Variants in IKZF2 observed in about 807,000 individuals in gnomAD.
The protein encoded by IKZF2 is IKAROS family zinc finger 2, also known as zinc finger protein Helios.
Under a neutral mutation model 49.2 loss-of-function variants are expected in IKZF2, and 15 were observed. The ratio of observed to expected loss-of-function variants is 0.30; its 90% CI spans 0.20 to 0.47. The LOEUF is 0.47. Among genes scored for constraint, IKZF2 ranks in the 20% least tolerant of loss-of-function variants. The pLI is 1.00. For synonymous variants in IKZF2, 227 were observed against 221.4 expected (o/e 1.03, Z -0.23); for missense variants, 567 against 664.6 (o/e 0.85, Z 1.61).
chr2:213,030,147 G>A (rs1425376710), intron 6 of IKZF2, among the ~76,000 whole-genome samples: 1 of 151,926 alleles, frequency 6.6e-6, no homozygotes, highest in East Asian at 1.9e-4. Context: ...GAGGTTTAGA[G>A]GTTTTACATT....
intron 1 of IKZF2, among the ~76,000 whole-genome samples, chr2:213,150,713 G>GGGC (rs1454156451): frequency 8.5e-6 from 1 of 118,082 alleles, no homozygotes; most frequent in African/African-American, 3.1e-5. Flanking sequence ...GGGGGGGGGG[G>GGGC]CGGGTAGAGG....
rs746184973 is a variant in IKZF2 at position 213,013,829 on chromosome 2, A to G, written c.818T>C (p.Met273Thr). Residue 273 changes from methionine (M) to threonine (T), a missense_variant, in exon 8 of 9, where the codon ATG (methionine) becomes ACG (threonine). This residue lies in a region of IKZF2 where 310 missense variants were observed against 326.9 expected (regional missense o/e 0.95). Coordinates refer to ENST00000434687, the MANE Select transcript of IKZF2 (RefSeq NM_001387220.1). ...PAVIEKLTGN[M>T]GKRKSSTPQK... ...TGGAGTGGAGCTTTTACGTTTTCCCATATTCCCCGTGAGCTTCTCTATGAC... is the reference window on the plus strand; with the variant it reads ...TGGAGTGGAGCTTTTACGTTTTCCCGTATTCCCCGTGAGCTTCTCTATGAC... 2.2e-5 allele frequency: 36 copies of G among 1,611,640 alleles called. No homozygotes were observed. Among genetic ancestry groups the G allele is most frequent in the Non-Finnish European group, 3.0e-5 (35 of 1,178,436 alleles).
intron 4 of IKZF2, among the ~76,000 whole-genome samples, chr2:213,058,457 G>A (rs1053965664): frequency 1.3e-5 from 2 of 151,840 alleles, no homozygotes; most frequent in Non-Finnish European, 2.9e-5. Context: ...CAGGAAATGT[G>A]CTTATCTTTT....
chr2:213,056,838 T>C lies in IKZF2; in HGVS notation c.401A>G (p.His134Arg). The change falls in exon 5 of 9, where the codon CAC becomes CGC. Residue 134 changes from histidine (H) to arginine (R), a missense_variant. His to Arg is a conservative substitution (Grantham distance 29). Transcript: ENST00000434687. ...TTATTCTTTCAGCTGCTTACCAGTG[T>C]GACTCCTTTTATGTACCATAAGCAC... ...PNVLMVHKRS[H>R]TGERPFHCNQ... 1 of 1,613,752 alleles carries C rather than the reference T, an allele frequency of 6.2e-7. No individual in the cohort carries two copies. The highest frequency in any genetic ancestry group is 8.5e-7 in the Non-Finnish European group (1 of 1,179,818).
rs375089987 is a variant in IKZF2 at position 213,147,751 on chromosome 2, G to C, written c.96C>G (p.Ser32Arg). 5.0e-6 allele frequency: 8 copies of C among 1,613,880 alleles called. No individual in the cohort carries two copies. The African/African-American group carries it at 1.1e-4, about 22-fold the overall frequency. Reference sequence around the variant, plus strand: ...GTGAGGCATGCTGTCCATTGGGTGTGCTTGAGGTGAGGTCAATTGCCATAT... The same window carrying C: ...GTGAGGCATGCTGTCCATTGGGTGTCCTTGAGGTGAGGTCAATTGCCATAT... ...HSNMAIDLTS[S>R]TPNGQHASPS... The change falls in exon 4 of 9, where the codon AGC (serine) becomes AGG (arginine). Residue 32 changes from serine to arginine, a missense_variant. Physicochemically the swap from Ser to Arg is moderately radical, Grantham distance 110. Transcript: ENST00000434687.
At chr2:213,116,269 A>C (rs2059868339) in intron 4 of IKZF2, among the ~76,000 whole-genome samples, 1 of 152,240 alleles carries the variant, frequency 6.6e-6, no homozygotes, top group Non-Finnish European at 1.5e-5. Context: ...AGGACGTACA[A>C]TGTTAAAGGA....
At chr2:213,150,901 T>G (rs2061262033) in intron 1 of IKZF2, among the ~76,000 whole-genome samples, 1 of 151,224 alleles carries the variant, frequency 6.6e-6, no homozygotes, top group South Asian at 2.1e-4. Flanking sequence ...ACCAGGGTTT[T>G]TGGTTTTTTT....
intron 4 of IKZF2, among the ~76,000 whole-genome samples, chr2:213,071,440 C>T (rs1221590401): frequency 1.3e-5 from 2 of 152,028 alleles, no homozygotes; most frequent in African/African-American, 2.4e-5. Context: ...CTTTTACGCC[C>T]GGTTTCAAGG....
At chr2:213,122,891 C>T (rs572107399) in intron 4 of IKZF2, among the ~76,000 whole-genome samples, 10 of 152,298 alleles carry the variant, frequency 6.6e-5, no homozygotes, top group South Asian at 2.1e-4. Flanking sequence ...CACACAAAGA[C>T]GAAGCCAGCT....
At chr2:213,149,118 C>T (rs773189087) in intron 2 of IKZF2, among the ~76,000 whole-genome samples, 9 of 151,988 alleles carry the variant, frequency 5.9e-5, no homozygotes, top group Non-Finnish European at 1.0e-4. Context: ...CATAAGAAAA[C>T]AAAACAAAAC....
At chr2:213,048,842 C>T (rs544155656) in intron 6 of IKZF2, among the ~76,000 whole-genome samples, 7 of 152,016 alleles carry the variant, frequency 4.6e-5, no homozygotes, top group East Asian at 1.9e-4. Flanking sequence ...CTCTCTAATA[C>T]GATTTGTCAA....
intron 4 of IKZF2, among the ~76,000 whole-genome samples, chr2:213,093,796 C>T (rs1574822344): frequency 2.0e-5 from 3 of 152,124 alleles, no homozygotes; most frequent in South Asian, 2.1e-4. Context: ...CATTGTACAT[C>T]GCATGCTTTG....
intron 7 of IKZF2, 116 bp downstream of exon 7, chr2:213,021,877 A>T: frequency 9.1e-7 from 1 of 1,098,776 alleles, no homozygotes; most frequent in Non-Finnish European, 1.3e-6. Flanking sequence ...CCAAAGCTCA[A>T]CTCATTTAAG....
chr2:213,127,560 G>C (rs1220899897), intron 4 of IKZF2, among the ~76,000 whole-genome samples: 2 of 152,114 alleles, frequency 1.3e-5, no homozygotes, highest in Admixed American at 6.5e-5. Flanking sequence ...GTTTGTAATT[G>C]TCATATTTTC....
chr2:213,044,472 C>T (rs972901545), intron 6 of IKZF2, among the ~76,000 whole-genome samples: 1 of 152,158 alleles, frequency 6.6e-6, no homozygotes, highest in African/African-American at 2.4e-5. Flanking sequence ...AGGATAGCCT[C>T]CTTATCACAG....
intron 4 of IKZF2, among the ~76,000 whole-genome samples, chr2:213,082,644 A>G (rs1488580133): frequency 6.6e-6 from 1 of 152,240 alleles, no homozygotes; most frequent in Non-Finnish European, 1.5e-5. Context: ...CTCAGTATAC[A>G]GAATATGAAG....
intron 4 of IKZF2, among the ~76,000 whole-genome samples, chr2:213,116,015 A>C (rs2059858830): frequency 6.6e-6 from 1 of 152,226 alleles, no homozygotes; most frequent in African/African-American, 2.4e-5. Flanking sequence ...AATATAGCAA[A>C]GCACTGTTTG....
chr2:213,142,021 AC>A lies in IKZF2; in HGVS notation c.139+5686del, dbSNP rs570721850. Among the ~76,000 whole-genome samples the A allele has an allele frequency of 3.9e-5, 6 of 152,176 alleles. No homozygotes were observed. The East Asian group carries it at 1.2e-3, about 29-fold the overall frequency. On this transcript the variant is annotated intron_variant, in intron 4 of 8. Coordinates refer to ENST00000434687, the MANE Select transcript of IKZF2 (RefSeq NM_001387220.1). ...GTATCATCAAGTGAGAATTTATGGT[AC>A]TACCAGAAGCATCAAATGAGGTTAG...
intron 4 of IKZF2, among the ~76,000 whole-genome samples, chr2:213,103,488 G>C (rs753479878): frequency 2.0e-5 from 3 of 152,184 alleles, no homozygotes; most frequent in Non-Finnish European, 4.4e-5. Flanking sequence ...AATGTATAGT[G>C]AATGAGAGAA....
Sources: gnomAD v4.1 joint callset for allele counts (sites outside exome capture counted in the v4.1 genomes callset) on GRCh38, gnomAD v4.1.1 for gene constraint, gnomAD v4.1.1 regional missense constraint, MANE v1.5 for transcripts, NCBI Gene and HGNC (gene_info 2026-07-23, HGNC 2026-07-21) for gene names.